The following FMN2 variants were observed in gnomAD, a reference collection of about 807,000 sequenced individuals.
FMN2 encodes formin 2.
A neutral mutation model predicts 142.3 loss-of-function variants in FMN2; 51 were observed. The observed-to-expected ratio is 0.36, with a 90% CI of 0.29 to 0.45. FMN2 has a LOEUF of 0.45. Ranked by LOEUF, FMN2 falls within the 20% of genes least tolerant of loss-of-function variation. The pLI is 1.00. For missense variants in FMN2, 1,936 were observed against 2,122.8 expected (o/e 0.91, Z 1.73); for synonymous variants, 882 against 869.8 (o/e 1.01, Z -0.25).
intron 14 of FMN2, among the ~76,000 whole-genome samples, chr1:240,367,085 A>G (rs937237619): frequency 6.6e-6 from 1 of 152,112 alleles, no homozygotes; most frequent in African/African-American, 2.4e-5. Flanking sequence ...ACCAGCACCG[A>G]GTTCTTTGAT....
chr1:240,322,403 G>C (rs1032693634), intron 8 of FMN2, among the ~76,000 whole-genome samples: 58 of 152,062 alleles, frequency 3.8e-4, no homozygotes, highest in African/African-American at 1.4e-3. Context: ...CTAATTCAGT[G>C]CTTGCTGAAA....
intron 11 of FMN2, among the ~76,000 whole-genome samples, chr1:240,331,632 T>C (rs1671381125): frequency 6.6e-6 from 1 of 152,204 alleles, no homozygotes; most frequent in African/African-American, 2.4e-5. Flanking sequence ...AAATCTTTTC[T>C]GCCAGCCAAC....
chr1:240,099,315 G>GTT (rs542680747), intron 1 of FMN2, among the ~76,000 whole-genome samples: 1 of 145,742 alleles, frequency 6.9e-6, no homozygotes, highest in Non-Finnish European at 1.5e-5. Context: ...GTTTTGTTTT[G>GTT]TTTTTTTTTG....
chr1:240,211,215 T>G lies in FMN2; in HGVS notation c.4045T>G (p.Ser1349Ala). The G allele has an allele frequency of 6.2e-7, 1 of 1,612,012 alleles. No homozygotes were observed. The highest frequency in any genetic ancestry group is 8.5e-7 in the Non-Finnish European group (1 of 1,179,532). ...ERKKPISDTI[S>A]KTKAKQVVKL... ...AAAGAAACCTATCTCTGATACTATC[T>G]CAAAGACGAAGGCTAAACAAGTGAG... Residue 1349 changes from serine (S) to alanine (A), a missense_variant, in exon 6 of 18, where the codon TCA (serine) becomes GCA (alanine). Ser to Ala is a moderately conservative substitution (Grantham distance 99). Around this residue, in one of 8 missense-constraint regions of FMN2, gnomAD observed 259 missense variants for 230.9 expected, o/e 1.12. Transcript: ENST00000319653.
rs144055387 is a variant in FMN2, at chr1:240,292,202, G to A, written c.4154-2620G>A. On this transcript the variant is annotated intron_variant, in intron 7 of 17. Transcript: ENST00000319653. Reference sequence around the variant, plus strand: ...TTTCAATACTCAGGTTCTTTCCTCCGAAACAAGGCTGAAATTTTGGACTTG... The same window carrying A: ...TTTCAATACTCAGGTTCTTTCCTCCAAAACAAGGCTGAAATTTTGGACTTG... 3.2e-3 allele frequency among the ~76,000 whole-genome samples: 493 copies of A among 152,164 alleles called. 2 individuals carry two copies. The highest frequency in any genetic ancestry group is 0.011 in the African/African-American group (474 of 41,532).
At chr1:240,110,972 A>T (rs1468912175) in intron 1 of FMN2, among the ~76,000 whole-genome samples, 1 of 152,204 alleles carries the variant, frequency 6.6e-6, no homozygotes, top group Non-Finnish European at 1.5e-5. Context: ...ACTATTTCAA[A>T]TGCTTTTAGA....
chr1:240,391,070 C>A (rs1170745863), intron 14 of FMN2, among the ~76,000 whole-genome samples: 4 of 151,926 alleles, frequency 2.6e-5, no homozygotes, highest in Admixed American at 2.6e-4. Flanking sequence ...TTGTATAAAA[C>A]AATATGTTCG....
At chr1:240,267,632 TAAAAAAAAAAAAA>T (rs60539167) in intron 7 of FMN2, among the ~76,000 whole-genome samples, 1 of 140,570 alleles carries the variant, frequency 7.1e-6, no homozygotes, top group Non-Finnish European at 1.6e-5. Context: ...CCCCTGAACT[TAAAAAAAAAAAAA>T]AAAGAGACCT....
chr1:240,171,353 C>A, intron 2 of FMN2: 1 of 606,316 alleles, frequency 1.6e-6, no homozygotes, highest in East Asian at 2.7e-5. Flanking sequence ...GCCTAACAGG[C>A]AGAGAGAAGC....
intron 4 of FMN2, among the ~76,000 whole-genome samples, chr1:240,194,068 G>T (rs1665818452): frequency 6.6e-6 from 1 of 151,834 alleles, no homozygotes; most frequent in African/African-American, 2.4e-5. Context: ...TGTTGTTGTT[G>T]TTGTTTTTTT....
rs149931384 is a variant in FMN2, at chr1:240,199,312, G to A, written c.1987-7487G>A. ...AATTTATAAAATAAATTATTACAGC[G>A]TTAACTTACCAATAAGCAGCTTTTA... On this transcript the variant is annotated intron_variant, in intron 4 of 17. Coordinates refer to ENST00000319653, the MANE Select transcript of FMN2 (RefSeq NM_020066.5). Among the ~76,000 whole-genome samples the A allele has an allele frequency of 2.6e-4, 40 of 152,168 alleles. No homozygotes were observed. The East Asian group carries it at 4.1e-3, about 15-fold the overall frequency.
chr1:240,448,404 TATTC>T (rs1675897946), intron 16 of FMN2, among the ~76,000 whole-genome samples: 2 of 152,230 alleles, frequency 1.3e-5, no homozygotes, highest in Non-Finnish European at 2.9e-5. Flanking sequence ...TTTGAACAAT[TATTC>T]ATCTATTGTG....
At chr1:240,261,808 G>A (rs187234995) in intron 7 of FMN2, among the ~76,000 whole-genome samples, 11 of 152,206 alleles carry the variant, frequency 7.2e-5, no homozygotes, top group African/African-American at 2.6e-4. Context: ...TTATAATGAA[G>A]GCCTGAGCTG....
At position 240,261,256 on chromosome 1, in the gene FMN2, T is replaced by A. The variant is rs562989103; in HGVS notation, c.4153+3224T>A. ...GTGGCATTTTTATCGATAGGCAAAA[T>A]AAGACCTGTGAGTGGTCCAGTTACC... On this transcript the variant is annotated intron_variant, in intron 7 of 17. Coordinates refer to ENST00000319653, the MANE Select transcript of FMN2 (RefSeq NM_020066.5). 2.5e-3 allele frequency among the ~76,000 whole-genome samples: 379 copies of A among 152,218 alleles called. 1 individual carries two copies. Among genetic ancestry groups the A allele is most frequent in the South Asian group, 0.022 (105 of 4,820 alleles).
intron 6 of FMN2, among the ~76,000 whole-genome samples, chr1:240,214,257 A>G (rs879605809): frequency 7.9e-5 from 12 of 152,284 alleles, no homozygotes; most frequent in East Asian, 1.9e-4. Flanking sequence ...AGGAAAATAG[A>G]AAAAGTGATC....
At chr1:240,295,025 T>TA in intron 8 of FMN2, 142 bp downstream of exon 8, 1 of 613,148 alleles carries the variant, frequency 1.6e-6, no homozygotes, top group South Asian at 2.7e-5. Context: ...AGGTGTTTGT[T>TA]ACAATACTTT....
At chr1:240,340,567 C>G (rs144649898) in intron 13 of FMN2, among the ~76,000 whole-genome samples, 4 of 152,148 alleles carry the variant, frequency 2.6e-5, no homozygotes, top group Admixed American at 2.6e-4. Flanking sequence ...GATGACAGAG[C>G]GAGACTCCAT....
chr1:240,097,517 A>G (rs1167578806), intron 1 of FMN2, among the ~76,000 whole-genome samples: 2 of 151,828 alleles, frequency 1.3e-5, no homozygotes, highest in Non-Finnish European at 2.9e-5. Context: ...CACCATGCCC[A>G]GCTAATTTTT....
chr1:240,247,240 A>G (rs949312467), intron 6 of FMN2, among the ~76,000 whole-genome samples: 1 of 152,196 alleles, frequency 6.6e-6, no homozygotes, highest in Non-Finnish European at 1.5e-5. Flanking sequence ...TGGTGGCTCA[A>G]GCTTGTAATC....
Sources: allele counts gnomAD v4.1 joint callset (sites outside exome capture counted in the v4.1 genomes callset), GRCh38; gene constraint gnomAD v4.1.1; regional missense constraint gnomAD v4.1.1; transcripts MANE v1.5; gene names NCBI Gene and HGNC (gene_info 2026-07-23, HGNC 2026-07-21).